KLHL8: variants seen among roughly 807,000 people sequenced by gnomAD.
The protein encoded by KLHL8 is kelch like family member 8, also known as kelch-like protein 8.
KLHL8 carries 38 observed loss-of-function variants against 63.5 expected under a neutral mutation model. That is an observed-to-expected ratio of 0.60 (90% CI 0.46 to 0.78). The LOEUF (loss-of-function observed/expected upper bound fraction) is 0.78, where lower values mean the gene tolerates loss of function less well. KLHL8 is among the 30% of genes least tolerant of loss of function. The pLI is 0.00. For missense variants in KLHL8, 566 were observed against 752.4 expected, an observed-to-expected ratio of 0.75 and a Z score of 2.90; for synonymous variants, 224 against 254.3, an observed-to-expected ratio of 0.88 and a Z score of 1.13.
chr4:87,195,987 AT>A (rs1731681094), intron 1 of KLHL8, among the ~76,000 whole-genome samples: 1 of 152,010 alleles, frequency 6.6e-6, no homozygotes, highest in Non-Finnish European at 1.5e-5. Context: ...CTATTTTTTA[AT>A]TTTTATTTTA....
intron 2 of KLHL8, among the ~76,000 whole-genome samples, chr4:87,186,026 A>G (rs1731239417): frequency 6.6e-6 from 1 of 151,946 alleles, no homozygotes; most frequent in East Asian, 1.9e-4. Flanking sequence ...ATATACACAT[A>G]CTTTAAAATT....
At chr4:87,197,957 T>C (rs1212390197) in intron 1 of KLHL8, among the ~76,000 whole-genome samples, 3 of 137,322 alleles carry the variant, frequency 2.2e-5, no homozygotes, top group Admixed American at 2.1e-4. Flanking sequence ...CAATAGTAAA[T>C]AAATAAATAA....
At chr4:87,190,513 G>A (rs928417039) in intron 2 of KLHL8, among the ~76,000 whole-genome samples, 1 of 151,886 alleles carries the variant, frequency 6.6e-6, no homozygotes, top group Non-Finnish European at 1.5e-5. Flanking sequence ...GCATGATGGT[G>A]GGTGCCTATA....
Position 87,163,440 on chromosome 4 carries a change from G to T in KLHL8, c.*79C>A. The T allele has an allele frequency of 6.9e-7, 1 of 1,458,690 alleles. No individual in the cohort carries two copies. Among genetic ancestry groups the T allele is most frequent in the Non-Finnish European group, 9.4e-7 (1 of 1,065,374 alleles). The allele number at this position is 1,458,690 out of a possible 1,614,324, so 90.4% of individuals were successfully genotyped here. Reference sequence around the variant, plus strand: ...GACTCTAGTTGCAGTAAAAAGTGTTGAAAGGTGGTCATATCAAAATCTTGG... The same window carrying T: ...GACTCTAGTTGCAGTAAAAAGTGTTTAAAGGTGGTCATATCAAAATCTTGG... On this transcript the variant is annotated 3_prime_UTR_variant, in exon 10 of 10. Coordinates refer to ENST00000273963, the MANE Select transcript of KLHL8 (RefSeq NM_020803.5).
intron 8 of KLHL8, among the ~76,000 whole-genome samples, chr4:87,167,890 T>C (rs887180695): frequency 2.6e-5 from 4 of 152,352 alleles, no homozygotes; most frequent in Middle Eastern, 3.4e-3. Flanking sequence ...ATGAACCAGG[T>C]TGCCCAGAAA....
At chr4:87,214,461 A>AG (rs1732524076) in intron 1 of KLHL8, among the ~76,000 whole-genome samples, 2 of 81,690 alleles carry the variant, frequency 2.4e-5, no homozygotes, top group Admixed American at 1.5e-4. Context: ...TATATATATA[A>AG]TTGTCATCAT....
At chr4:87,189,960 G>A (rs1432862315) in intron 2 of KLHL8, among the ~76,000 whole-genome samples, 3 of 150,174 alleles carry the variant, frequency 2.0e-5, no homozygotes, top group Admixed American at 6.6e-5. Flanking sequence ...CTTGAACCTC[G>A]GAGGCAGAGG....
intron 1 of KLHL8, among the ~76,000 whole-genome samples, chr4:87,219,212 C>T (rs1368892035): frequency 6.6e-6 from 1 of 152,168 alleles, no homozygotes; most frequent in Non-Finnish European, 1.5e-5. Context: ...CAGCTTAATG[C>T]CACCGCCATC....
At chr4:87,164,199 A>AT in intron 8 of KLHL8, 120 bp from the exon 9 acceptor site, 10 of 921,898 alleles carry the variant, frequency 1.1e-5, no homozygotes, top group South Asian at 1.7e-5. Context: ...TTTAGAGAAA[A>AT]TTTTTTTAAA....
At chr4:87,189,804 C>T (rs1214357066) in intron 2 of KLHL8, among the ~76,000 whole-genome samples, 1 of 151,494 alleles carries the variant, frequency 6.6e-6, no homozygotes, top group African/African-American at 2.4e-5. Context: ...CCGAGGAGGG[C>T]GGATCAGGAG....
rs1230009436 is a variant in KLHL8 at position 87,168,774 on chromosome 4, GTA to G, written c.1537+1303_1537+1304del. Reference sequence around the variant, plus strand: ...TATATATGTGTGTGTATATATATGTGTATATATATACGTATATATACACACAT... The same window carrying G: ...TATATATGTGTGTGTATATATATGTGTATATATACGTATATATACACACAT... On this transcript the variant is annotated intron_variant, in intron 8 of 9. Coordinates refer to ENST00000273963, the MANE Select transcript of KLHL8 (RefSeq NM_020803.5). Among the ~76,000 whole-genome samples the G allele has an allele frequency of 5.3e-5, 7 of 132,802 alleles. No individual in the cohort carries two copies. In the East Asian group the frequency reaches 1.3e-3, roughly 25 times the overall value. The allele number at this position is 132,802 out of a possible 152,430, so 87.1% of individuals were successfully genotyped here. A position where few individuals can be genotyped will look rare whatever the true frequency, so the allele number is the denominator to read the frequency against.
At chr4:87,172,419 C>A (rs1185869754) in intron 6 of KLHL8, among the ~76,000 whole-genome samples, 1 of 152,200 alleles carries the variant, frequency 6.6e-6, no homozygotes, top group Non-Finnish European at 1.5e-5. Flanking sequence ...GCAAAACCTG[C>A]ATGACTTTTG....
chr4:87,177,492 G>A (rs946676342), intron 5 of KLHL8, among the ~76,000 whole-genome samples: 5 of 151,636 alleles, frequency 3.3e-5, no homozygotes, highest in Non-Finnish European at 7.4e-5. Context: ...CAACAAGAGC[G>A]AAACTTCATC....
intron 1 of KLHL8, among the ~76,000 whole-genome samples, chr4:87,237,372 A>AT (rs1172373310): frequency 6.6e-6 from 1 of 152,312 alleles, no homozygotes; most frequent in South Asian, 2.1e-4. Flanking sequence ...TACAATGCAT[A>AT]TTTTTTTCCT....
At chr4:87,224,648 C>G (rs545834557), upstream of KLHL8, among the ~76,000 whole-genome samples, 1 of 152,156 alleles carries the variant, frequency 6.6e-6, no homozygotes, top group Non-Finnish European at 1.5e-5. Context: ...TGACTCCTAT[C>G]CTGTCACCCT....
chr4:87,173,487 TAAAC>T (rs1730710386), intron 6 of KLHL8, among the ~76,000 whole-genome samples: 2 of 152,170 alleles, frequency 1.3e-5, no homozygotes, highest in Non-Finnish European at 2.9e-5. Context: ...ACTCATAGCT[TAAAC>T]AAACATCGGT....
At chr4:87,207,122 C>T (rs1024778404) in intron 1 of KLHL8, 11 of 533,884 alleles carry the variant, frequency 2.1e-5, no homozygotes, top group African/African-American at 1.7e-4. Flanking sequence ...CGGATTTGGT[C>T]GTATTGGATG....
chr4:87,225,546 A>G (rs904979159), upstream of KLHL8, among the ~76,000 whole-genome samples: 4 of 152,204 alleles, frequency 2.6e-5, no homozygotes, highest in African/African-American at 9.6e-5. Context: ...CCTAAAGGAC[A>G]ATAGTCAAGT....
intron 1 of KLHL8, among the ~76,000 whole-genome samples, chr4:87,239,442 A>C: frequency 6.6e-6 from 1 of 152,236 alleles, no homozygotes; most frequent in Non-Finnish European, 1.5e-5. Context: ...GTTATTTCCC[A>C]GTACCTCTCT....
Sources: gnomAD v4.1 joint callset for allele counts (sites outside exome capture counted in the v4.1 genomes callset) on GRCh38, gnomAD v4.1.1 for gene constraint, MANE v1.5 for transcripts, NCBI Gene and HGNC (gene_info 2026-07-23, HGNC 2026-07-21) for gene names.